Variants in CPED1 observed in about 807,000 individuals in gnomAD.
CPED1 encodes cadherin like and PC-esterase domain containing 1.
Under a neutral mutation model 128.2 loss-of-function variants are expected in CPED1, and 114 were observed. The ratio of observed to expected loss-of-function variants is 0.89; its 90% CI spans 0.76 to 1.04. The LOEUF is 1.04. Among genes scored for constraint, CPED1 ranks in the 50% least tolerant of loss-of-function variants. The pLI, the probability that CPED1 is intolerant of heterozygous loss-of-function variation, is 0.00. For synonymous variants in CPED1, 462 were observed against 426.7 expected (o/e 1.08, Z -1.02); for missense variants, 1,211 against 1,207.1 (o/e 1.00, Z -0.05).
intron 17 of CPED1, among the ~76,000 whole-genome samples, chr7:121,240,471 A>C (rs1005728178): frequency 6.6e-6 from 1 of 152,134 alleles, no homozygotes. Context: ...GAAAATTAAC[A>C]ATCTTTGCTT....
chr7:121,253,913 C>T (rs189183464), intron 18 of CPED1, among the ~76,000 whole-genome samples: 2 of 152,138 alleles, frequency 1.3e-5, no homozygotes, highest in East Asian at 3.9e-4. Flanking sequence ...CACCTAGATT[C>T]ATAAAACACG....
chr7:121,266,778 A>G lies in CPED1; in HGVS notation c.2603A>G (p.His868Arg). ...GGTGTTCAGTGGCTTAATTCCAATCACCTGCAAATTATTCACAAAGTTTTG... is the reference window on the plus strand; with the variant it reads ...GGTGTTCAGTGGCTTAATTCCAATCGCCTGCAAATTATTCACAAAGTTTTG... ...VGGVQWLNSN[H>R]LQIIHKVLKR... The change falls in exon 20 of 23, where the codon CAC becomes CGC. Residue 868 changes from histidine to arginine, a missense_variant. His to Arg is a conservative substitution (Grantham distance 29). Coordinates refer to ENST00000310396, the MANE Select transcript of CPED1 (RefSeq NM_024913.5). The G allele has an allele frequency of 6.2e-7, 1 of 1,612,684 alleles. No homozygotes were observed. The highest frequency in any genetic ancestry group is 8.5e-7 in the Non-Finnish European group (1 of 1,179,030).
chr7:121,235,539 A>G (rs1030897070), intron 16 of CPED1, among the ~76,000 whole-genome samples: 2 of 152,264 alleles, frequency 1.3e-5, no homozygotes, highest in African/African-American at 4.8e-5. Context: ...AGAGTTACAC[A>G]GCAAAGAAGA....
At chr7:121,032,528 G>C (rs1049811239) in intron 3 of CPED1, among the ~76,000 whole-genome samples, 1 of 148,850 alleles carries the variant, frequency 6.7e-6, no homozygotes, top group Non-Finnish European at 1.5e-5. Context: ...ACCGCGGGGG[G>C]GGCCTGTCAG....
At chr7:121,128,551 A>T in intron 11 of CPED1, 65 bp downstream of exon 11, 1 of 834,334 alleles carries the variant, frequency 1.2e-6, no homozygotes. Context: ...ACTGTAAGCT[A>T]CCTGATTTTG....
chr7:121,099,285 G>A lies in CPED1; in HGVS notation c.750-641G>A, dbSNP rs548356147. Among the ~76,000 whole-genome samples, 4 of 151,966 alleles carry A rather than the reference G, an allele frequency of 2.6e-5. No homozygotes were observed. The South Asian group carries it at 8.3e-4, about 32-fold the overall frequency. ...TGGTATCATGCATCTGAGGTCACGG[G>A]TACTGTAACTAATTTATATATTTAT... On this transcript the variant is annotated intron_variant, in intron 6 of 22. Coordinates refer to ENST00000310396, the MANE Select transcript of CPED1 (RefSeq NM_024913.5).
At chr7:121,228,821 A>G (rs989286200) in intron 16 of CPED1, among the ~76,000 whole-genome samples, 11 of 152,058 alleles carry the variant, frequency 7.2e-5, no homozygotes, top group Non-Finnish European at 1.5e-4. Context: ...AAATTACTTT[A>G]TTTGTAGCAA....
chr7:121,172,553 T>G (rs1796670976), intron 16 of CPED1, among the ~76,000 whole-genome samples: 1 of 152,024 alleles, frequency 6.6e-6, no homozygotes, highest in South Asian at 2.1e-4. Context: ...CATTCAGAAT[T>G]TTGATTTATG....
intron 16 of CPED1, among the ~76,000 whole-genome samples, chr7:121,229,979 C>T (rs1264097315): frequency 6.6e-6 from 1 of 151,928 alleles, no homozygotes; most frequent in Non-Finnish European, 1.5e-5. Context: ...AAGAGGAGGA[C>T]CACAGCCAAA....
At chr7:121,125,371 C>T (rs2116316754) in intron 8 of CPED1, among the ~76,000 whole-genome samples, 1 of 152,150 alleles carries the variant, frequency 6.6e-6, no homozygotes, top group Middle Eastern at 3.4e-3. Flanking sequence ...TATACATATG[C>T]CATGGTGGTT....
chr7:121,236,987 T>A (rs1291046674), intron 17 of CPED1, among the ~76,000 whole-genome samples, 156 bp downstream of exon 17: 1 of 152,184 alleles, frequency 6.6e-6, no homozygotes, highest in African/African-American at 2.4e-5. Context: ...GTGCATTGTT[T>A]TAATATTTGA....
intron 16 of CPED1, among the ~76,000 whole-genome samples, chr7:121,179,214 C>G (rs182683070): frequency 7.1e-4 from 108 of 152,148 alleles, no homozygotes; most frequent in Non-Finnish European, 1.0e-3. Flanking sequence ...ATGAACTGTT[C>G]CCCTAGAATG....
At chr7:121,199,820 AGC>A (rs1797355360) in intron 16 of CPED1, among the ~76,000 whole-genome samples, 1 of 152,110 alleles carries the variant, frequency 6.6e-6, no homozygotes, top group African/African-American at 2.4e-5. Flanking sequence ...ATTTTCCTGT[AGC>A]CACATTTTTT....
intron 16 of CPED1, among the ~76,000 whole-genome samples, chr7:121,206,789 C>T (rs1797527972): frequency 6.6e-6 from 1 of 151,768 alleles, no homozygotes; most frequent in African/African-American, 2.4e-5. Flanking sequence ...ACAAATTACT[C>T]ATAATCCCAC....
At chr7:121,169,060 G>A (rs1277830200) in intron 16 of CPED1, among the ~76,000 whole-genome samples, 1 of 152,046 alleles carries the variant, frequency 6.6e-6, no homozygotes, top group African/African-American at 2.4e-5. Flanking sequence ...ATATTCTAAT[G>A]AAACAAATGC....
rs201932126 is a variant in CPED1 at position 121,036,482 on chromosome 7, G to GGTGT, written c.434-10400_434-10397dup. 4.2e-3 allele frequency among the ~76,000 whole-genome samples: 550 copies of GGTGT among 129,940 alleles called. 1 individual carries two copies. Among genetic ancestry groups the GGTGT allele is most frequent in the Non-Finnish European group, 6.4e-3 (395 of 62,078 alleles). 85.2% of individuals were successfully genotyped at this position (129,940 alleles called of 152,430 possible). ...TTTTTATGGTTGGGTAGTATTCCAT[G>GGTGT]GTGTGTGTATATATATATATATATA... On this transcript the variant is annotated intron_variant, in intron 3 of 22. Transcript: ENST00000310396.
chr7:121,223,638 C>T (rs1385146664), intron 16 of CPED1, among the ~76,000 whole-genome samples: 1 of 151,920 alleles, frequency 6.6e-6, no homozygotes, highest in African/African-American at 2.4e-5. Context: ...AATTTTGGAG[C>T]CTGTTATTGG....
At chr7:121,099,019 T>A (rs1794774255) in intron 6 of CPED1, among the ~76,000 whole-genome samples, 1 of 151,056 alleles carries the variant, frequency 6.6e-6, no homozygotes, top group African/African-American at 2.4e-5. Context: ...AGGTGTTTTT[T>A]TAATTTTTTT....
At chr7:121,286,120 C>T (rs1792564438) in intron 22 of CPED1, among the ~76,000 whole-genome samples, 1 of 152,142 alleles carries the variant, frequency 6.6e-6, no homozygotes, top group Non-Finnish European at 1.5e-5. Context: ...AGGAGAAGTG[C>T]ATGGTGAAGC....
Sources: gnomAD v4.1 joint callset for allele counts (sites outside exome capture counted in the v4.1 genomes callset) on GRCh38, gnomAD v4.1.1 for gene constraint, MANE v1.5 for transcripts, NCBI Gene and HGNC (gene_info 2026-07-23, HGNC 2026-07-21) for gene names.